ACKR1: variants seen among roughly 807,000 people sequenced by gnomAD.
The protein encoded by ACKR1 is atypical chemokine receptor 1.
ACKR1 carries 3 observed loss-of-function variants against 2.5 expected under a neutral mutation model. The observed-to-expected ratio is 1.18, with a 90% CI of 0.54 to 3.06. The LOEUF (loss-of-function observed/expected upper bound fraction) is 3.06. Ranked by LOEUF, ACKR1 falls within the 30% of genes most tolerant of loss-of-function variation. The pLI is 0.03. For missense variants in ACKR1, 438 were observed against 395.2 expected, an observed-to-expected ratio of 1.11 and a Z score of -0.92; for synonymous variants, 208 against 178.2, an observed-to-expected ratio of 1.17 and a Z score of -1.33.
At position 159,205,925 on chromosome 1, in the gene ACKR1, C is replaced by T; in HGVS notation, c.486C>T (p.Val162=). 2 of 1,614,080 alleles carry T rather than the reference C, an allele frequency of 1.2e-6. No homozygotes were observed. Among genetic ancestry groups the T allele is most frequent in the Non-Finnish European group, 1.7e-6 (2 of 1,179,996 alleles). ...SLGHRLGAGQ[V]PGLTLGLTVG... is the part of the protein sequence containing the mutation. The stretch of plus-strand genomic sequence containing the variant: ...GCCACAGACTGGGTGCAGGCCAGGT[C>T]CCAGGCCTCACCCTGGGGCTCACTG... Residue 162 remains valine (V), a synonymous_variant, in exon 2 of 2, where the codon GTC becomes GTT. Coordinates refer to ENST00000368122, the MANE Select transcript of ACKR1 (RefSeq NM_002036.4).
chr1:159,206,067 C>T lies in ACKR1; in HGVS notation c.628C>T (p.His210Tyr), dbSNP rs1414478838. 1.2e-6 allele frequency: 2 copies of T among 1,614,278 alleles called. No individual in the cohort carries two copies. Among genetic ancestry groups the T allele is most frequent in the Non-Finnish European group, 1.7e-6 (2 of 1,180,044 alleles). ...STELKALQAT[H>Y]TVACLAIFVL... is the part of the protein sequence containing the mutation. The stretch of plus-strand genomic sequence containing the variant: ...GGAGCTGAAGGCTTTGCAGGCCACA[C>T]ACACTGTAGCCTGTCTTGCCATCTT... The change falls in exon 2 of 2, where the codon CAC becomes TAC. Residue 210 changes from histidine (H) to tyrosine (Y), a missense_variant. Transcript: ENST00000368122.
chr1:159,204,930 T>G lies in ACKR1; in HGVS notation c.-30T>G. On this transcript the variant is annotated 5_prime_UTR_variant, in exon 1 of 2. Coordinates refer to ENST00000368122, the MANE Select transcript of ACKR1 (RefSeq NM_002036.4). ...AGGCGCTGACAGCCGTCCCAGCCCT[T>G]CTGTCTGCGGGCCTGAACCAAACGG... The G allele has an allele frequency of 6.2e-7, 1 of 1,614,146 alleles. No homozygotes were observed. Among genetic ancestry groups the G allele is most frequent in the Non-Finnish European group, 8.5e-7 (1 of 1,180,006 alleles).
Position 159,205,508 on chromosome 1 carries a change from A to T in ACKR1, c.69A>T (p.Glu23Asp). The change falls in exon 2 of 2, where the codon GAA becomes GAT. Residue 23 changes from glutamate to aspartate, a missense_variant. Transcript: ENST00000368122. ...AGAACTCAAGTCAGCTGGACTTCGA[A>T]GATGTATGGAATTCTTCCTATGGTG... ...STENSSQLDF[E>D]DVWNSSYGVN... is the part of the protein sequence containing the mutation. The T allele has an allele frequency of 6.2e-7, 1 of 1,614,076 alleles. No individual in the cohort carries two copies. Among genetic ancestry groups the T allele is most frequent in the African/African-American group, 1.3e-5 (1 of 75,034 alleles).
At position 159,206,340 on chromosome 1, in the gene ACKR1, C is replaced by T. The variant is rs753831902; in HGVS notation, c.901C>T (p.Pro301Ser). The T allele has an allele frequency of 7.4e-6, 12 of 1,614,108 alleles. No homozygotes were observed. The highest frequency in any genetic ancestry group is 8.5e-6 in the Non-Finnish European group (10 of 1,180,044). Reference protein sequence around the residue: ...ALAILHCVATPLLLALFCHQA... With the variant: ...ALAILHCVATSLLLALFCHQA... ...GGCAATTTTGCACTGTGTGGCTACGCCCCTGCTCCTCGCCCTATTCTGCCA... is the reference window on the plus strand; with the variant it reads ...GGCAATTTTGCACTGTGTGGCTACGTCCCTGCTCCTCGCCCTATTCTGCCA... Residue 301 changes from proline (P) to serine (S), a missense_variant, in exon 2 of 2, where the codon CCC (proline) becomes TCC (serine). Physicochemically the swap from Pro to Ser is moderately conservative, Grantham distance 74. Coordinates refer to ENST00000368122, the MANE Select transcript of ACKR1 (RefSeq NM_002036.4).
At chr1:159,205,233 A>G in intron 1 of ACKR1, 1 of 683,406 alleles carries the variant, frequency 1.5e-6, no homozygotes, top group Non-Finnish European at 2.4e-6. Flanking sequence ...CTGACCTTGC[A>G]CTGCTCCTCC....
At position 159,205,521 on chromosome 1, in the gene ACKR1, T is replaced by C. The variant is rs1426582219; in HGVS notation, c.82T>C (p.Ser28Pro). 1 of 1,614,218 alleles carries C rather than the reference T, an allele frequency of 6.2e-7. No homozygotes were observed. Among genetic ancestry groups the C allele is most frequent in the Admixed American group, 1.7e-5 (1 of 60,032 alleles). ...GCTGGACTTCGAAGATGTATGGAAT[T>C]CTTCCTATGGTGTGAATGATTCCTT... is the stretch of plus-strand genomic sequence containing the variant. Reference protein sequence around the residue: ...SQLDFEDVWNSSYGVNDSFPD... With the variant: ...SQLDFEDVWNPSYGVNDSFPD... The change falls in exon 2 of 2, where the codon TCT becomes CCT. Residue 28 changes from serine to proline, a missense_variant. Coordinates refer to ENST00000368122, the MANE Select transcript of ACKR1 (RefSeq NM_002036.4).
rs764847116 is a variant in ACKR1, at chr1:159,206,375, C to A, written c.936C>A (p.Thr312=). The A allele has an allele frequency of 6.1e-5, 98 of 1,614,258 alleles. No individual in the cohort carries two copies. In the South Asian group the frequency reaches 1.0e-3, roughly 17 times the overall value. ...LLLALFCHQA[T]RTLLPSLPLP... is the part of the protein sequence containing the mutation. ...TCGCCCTATTCTGCCACCAGGCCACCCGCACCCTCTTGCCCTCTCTGCCCC... is the reference window on the plus strand; with the variant it reads ...TCGCCCTATTCTGCCACCAGGCCACACGCACCCTCTTGCCCTCTCTGCCCC... Residue 312 remains threonine (T), a synonymous_variant, in exon 2 of 2, where the codon ACC becomes ACA. Coordinates refer to ENST00000368122, the MANE Select transcript of ACKR1 (RefSeq NM_002036.4).
chr1:159,206,241 T>A lies in ACKR1; in HGVS notation c.802T>A (p.Ser268Thr), dbSNP rs1650447405. The A allele has an allele frequency of 6.2e-7, 1 of 1,614,066 alleles. No individual in the cohort carries two copies. The highest frequency in any genetic ancestry group is 1.3e-5 in the African/African-American group (1 of 74,902). Residue 268 changes from serine to threonine, a missense_variant, in exon 2 of 2, where the codon TCC becomes ACC. Transcript: ENST00000368122. ...VVLGLDFLVRSKLLLLSTCLA... is the reference protein window; with the variant it reads ...VVLGLDFLVRTKLLLLSTCLA... ...TCTAGGACTGGATTTCCTGGTGAGG[T>A]CCAAGCTGTTGCTGTTGTCAACATG...
Position 159,206,005 on chromosome 1 carries a change from G to A in ACKR1, c.566G>A (p.Gly189Asp), listed in dbSNP as rs1650436429. 9 of 1,614,080 alleles carry A rather than the reference G, an allele frequency of 5.6e-6. No individual in the cohort carries two copies. The highest frequency in any genetic ancestry group is 1.3e-5 in the African/African-American group (1 of 74,942). ...ACACTGCCTGTCACCCTGGCCAGTG[G>A]TGCTTCTGGTGGACTCTGCACCCTG... The part of the protein sequence containing the change: ...LLTLPVTLAS[G>D]ASGGLCTLIY... Residue 189 changes from glycine to aspartate, a missense_variant, in exon 2 of 2, where the codon GGT (glycine) becomes GAT (aspartate). By Grantham distance (94) the Gly-to-Asp change is moderately conservative (BLOSUM62 -1). Transcript: ENST00000368122.
chr1:159,205,186 A>C (rs3027015), intron 1 of ACKR1: 20 of 686,944 alleles, frequency 2.9e-5, no homozygotes, highest in South Asian at 8.0e-5. Flanking sequence ...TTTGCCTTTG[A>C]GTCAGTTCCA....
chr1:159,205,749 G>T lies in ACKR1; in HGVS notation c.310G>T (p.Val104Leu). ...CTGGCCTGTCCTGGCACAGCTGGCT[G>T]TGGGCAGTGCCCTCTTCAGCATTGT... ...PGWPVLAQLA[V>L]GSALFSIVVP... Residue 104 changes from valine to leucine, a missense_variant, in exon 2 of 2, where the codon GTG becomes TTG. By Grantham distance (32) the Val-to-Leu change is conservative. Coordinates refer to ENST00000368122, the MANE Select transcript of ACKR1 (RefSeq NM_002036.4). 6.2e-7 allele frequency: 1 copy of T among 1,613,962 alleles called. No homozygotes were observed.
In ACKR1 at chr1:159,205,567, C is replaced by A; in HGVS notation, c.128C>A (p.Ala43Asp). Residue 43 changes from alanine (A) to aspartate (D), a missense_variant, in exon 2 of 2, where the codon GCC becomes GAC. Transcript: ENST00000368122. ...TCCTTCCCAGATGGAGACTATGGTG[C>A]CAACCTGGAAGCAGCTGCCCCCTGC... ...NDSFPDGDYGANLEAAAPCHS... is the reference protein window; with the variant it reads ...NDSFPDGDYGDNLEAAAPCHS... The A allele has an allele frequency of 6.8e-6, 11 of 1,614,228 alleles. No individual in the cohort carries two copies. Among genetic ancestry groups the A allele is most frequent in the Non-Finnish European group, 8.5e-6 (10 of 1,180,032 alleles).
chr1:159,205,143 G>C (rs1273540638), intron 1 of ACKR1, 163 bp downstream of exon 1: 1 of 853,506 alleles, frequency 1.2e-6, no homozygotes, highest in Non-Finnish European at 1.8e-6. Context: ...TCCTTCCTAT[G>C]CTAGCCTCCT....
intron 1 of ACKR1, 78 bp from the exon 2 acceptor site, chr1:159,205,383 C>T: frequency 2.0e-6 from 3 of 1,537,632 alleles, no homozygotes; most frequent in South Asian, 2.5e-5. Context: ...TCTCTGTCCT[C>T]CCCTCCCACC....
chr1:159,206,410 G>C lies in ACKR1; in HGVS notation c.971G>C (p.Gly324Ala). ...TLLPSLPLPE[G>A]WSSHLDTLGS... ...TTGCCCTCTCTGCCCCTCCCTGAAG[G>C]ATGGTCTTCTCATCTGGACACCCTT... The change falls in exon 2 of 2, where the codon GGA (glycine) becomes GCA (alanine). Residue 324 changes from glycine (G) to alanine (A), a missense_variant. By Grantham distance (60) the Gly-to-Ala change is moderately conservative. Coordinates refer to ENST00000368122, the MANE Select transcript of ACKR1 (RefSeq NM_002036.4). 6 of 1,614,108 alleles carry C rather than the reference G, an allele frequency of 3.7e-6. No individual in the cohort carries two copies. The highest frequency in any genetic ancestry group is 5.1e-6 in the Non-Finnish European group (6 of 1,179,974).
At position 159,205,450 on chromosome 1, in the gene ACKR1, A is replaced by C; in HGVS notation, c.22-11A>C. 6.2e-7 allele frequency: 1 copy of C among 1,600,476 alleles called. No homozygotes were observed. The highest frequency in any genetic ancestry group is 8.5e-7 in the Non-Finnish European group (1 of 1,172,520). Reference sequence around the variant, plus strand: ...GTAACTCTGATGGCCTCCTCTGGGTATGTCCTCCAGGCGGAGCTCTCCCCC... The same window carrying C: ...GTAACTCTGATGGCCTCCTCTGGGTCTGTCCTCCAGGCGGAGCTCTCCCCC... On this transcript the variant is annotated splice_polypyrimidine_tract_variant and intron_variant, in intron 1 of 1. Transcript: ENST00000368122.
Position 159,205,663 on chromosome 1 carries a change from C to G in ACKR1, c.224C>G (p.Ala75Gly). 6.2e-7 allele frequency: 1 copy of G among 1,614,242 alleles called. No individual in the cohort carries two copies. The highest frequency in any genetic ancestry group is 2.2e-5 in the East Asian group (1 of 44,880). ...FILTSVLGILASSTVLFMLFR... is the reference protein window; with the variant it reads ...FILTSVLGILGSSTVLFMLFR... The stretch of plus-strand genomic sequence containing the variant: ...CTCACCAGTGTCCTGGGTATCCTAG[C>G]TAGCAGCACTGTCCTCTTCATGCTT... Residue 75 changes from alanine to glycine, a missense_variant, in exon 2 of 2, where the codon GCT (alanine) becomes GGT (glycine). Ala to Gly is a moderately conservative substitution (Grantham distance 60). Transcript: ENST00000368122.
rs766648451 is a variant in ACKR1, at chr1:159,206,127, G to A, written c.688G>A (p.Gly230Arg). The change falls in exon 2 of 2, where the codon GGG becomes AGG. Residue 230 changes from glycine to arginine, a missense_variant. Gly to Arg is a moderately radical substitution (Grantham distance 125). Coordinates refer to ENST00000368122, the MANE Select transcript of ACKR1 (RefSeq NM_002036.4). ...LLPLGLFGAK[G>R]LKKALGMGPG... ...GCCATTGGGTTTGTTTGGAGCCAAG[G>A]GGCTGAAGAAGGCATTGGGTATGGG... 5.0e-6 allele frequency: 8 copies of A among 1,614,220 alleles called. No homozygotes were observed. The highest frequency in any genetic ancestry group is 3.3e-5 in the South Asian group (3 of 91,086).
rs772038669 is a variant in ACKR1, at chr1:159,205,865, C to T, written c.426C>T (p.Ala142=). The T allele has an allele frequency of 1.9e-6, 3 of 1,614,050 alleles. No homozygotes were observed. The highest frequency in any genetic ancestry group is 1.7e-6 in the Non-Finnish European group (2 of 1,179,996). The stretch of plus-strand genomic sequence containing the variant: ...GTGTCTGGTATGGCTCAGCCTTTGC[C>T]CAGGCTTTGCTGCTAGGGTGCCATG... ...GYCVWYGSAF[A]QALLLGCHAS... The change falls in exon 2 of 2, where the codon GCC becomes GCT. Residue 142 remains alanine (A), a synonymous_variant. Transcript: ENST00000368122.
Sources: allele counts gnomAD v4.1 joint callset, GRCh38; gene constraint gnomAD v4.1.1; transcripts MANE v1.5; gene names NCBI Gene and HGNC (gene_info 2026-07-23, HGNC 2026-07-21).